LGR6: variants seen among roughly 807,000 people sequenced by gnomAD.
LGR6 encodes leucine rich repeat containing G protein-coupled receptor 6, also known as leucine-rich repeat-containing G protein-coupled receptor 6.
Under a neutral mutation model 69.4 loss-of-function variants are expected in LGR6, and 45 were observed. The observed-to-expected ratio is 0.65, with a 90% CI of 0.51 to 0.83. LGR6 has a LOEUF of 0.83. Among genes scored for constraint, LGR6 ranks in the 40% least tolerant of loss-of-function variants. The pLI is 0.00. For missense variants in LGR6, 1,108 were observed against 1,246.7 expected, an observed-to-expected ratio of 0.89 and a Z score of 1.68; for synonymous variants, 538 against 555.0, an observed-to-expected ratio of 0.97 and a Z score of 0.43.
At chr1:202,245,610 G>A (rs1475312078) in intron 4 of LGR6, among the ~76,000 whole-genome samples, 3 of 152,226 alleles carry the variant, frequency 2.0e-5, no homozygotes, top group African/African-American at 4.8e-5. Flanking sequence ...TGCCCTCTGC[G>A]CCCCACAGAG....
intron 6 of LGR6, among the ~76,000 whole-genome samples, chr1:202,289,977 G>A (rs1666675163): frequency 1.3e-5 from 2 of 152,180 alleles, no homozygotes; most frequent in African/African-American, 4.8e-5. Context: ...AAATGTAAGT[G>A]GAAACCCAAT....
At chr1:202,292,030 T>A (rs1301368612) in intron 6 of LGR6, among the ~76,000 whole-genome samples, 1 of 152,050 alleles carries the variant, frequency 6.6e-6, no homozygotes, top group African/African-American at 2.4e-5. Context: ...GCTGAGGATG[T>A]GGGGAAAGGG....
rs1364859299 is a variant in LGR6 at position 202,300,993 on chromosome 1, G to C, written c.857+73G>C. 2.1e-6 allele frequency: 3 copies of C among 1,409,176 alleles called. No homozygotes were observed. In the African/African-American group the frequency reaches 4.2e-5, roughly 20 times the overall value. The allele number at this position is 1,409,176 out of a possible 1,614,324, so 87.3% of individuals were successfully genotyped here. ...GAGGAGGACAGAGGATGGGAAGGCA[G>C]GAGGGACTTCCCTAGGAAGCACCAG... is the stretch of plus-strand genomic sequence containing the variant. On this transcript the variant is annotated intron_variant, in intron 8 of 17. Transcript: ENST00000367278.
intron 1 of LGR6, chr1:202,194,445 G>T (rs1309096871): frequency 1.7e-6 from 1 of 603,238 alleles, no homozygotes; most frequent in Non-Finnish European, 3.0e-6. Context: ...CGTGCTTGTG[G>T]GCTGACTATG....
At chr1:202,208,818 G>A (rs1041659330) in intron 1 of LGR6, among the ~76,000 whole-genome samples, 1 of 152,172 alleles carries the variant, frequency 6.6e-6, no homozygotes, top group Admixed American at 6.5e-5. Flanking sequence ...GGCACCTGCT[G>A]GGGGTGGGGC....
At chr1:202,308,345 C>T (rs549461101) in intron 14 of LGR6, among the ~76,000 whole-genome samples, 1 of 152,318 alleles carries the variant, frequency 6.6e-6, no homozygotes, top group African/African-American at 2.4e-5. Flanking sequence ...CACTGAAGCT[C>T]AGGCAGATTT....
intron 4 of LGR6, among the ~76,000 whole-genome samples, chr1:202,266,389 A>T (rs1664658291): frequency 1.3e-5 from 2 of 152,102 alleles, no homozygotes; most frequent in African/African-American, 4.8e-5. Flanking sequence ...CTGATCCTGG[A>T]GAGAGGAAAG....
chr1:202,260,286 G>C (rs553891769), intron 4 of LGR6, among the ~76,000 whole-genome samples: 1 of 151,898 alleles, frequency 6.6e-6, no homozygotes. Flanking sequence ...TGATCCGCCC[G>C]TCTCAGCCTA....
intron 4 of LGR6, among the ~76,000 whole-genome samples, chr1:202,270,216 G>GTTGTT (rs1175186077): frequency 2.7e-4 from 41 of 151,832 alleles, no homozygotes; most frequent in Admixed American, 2.0e-3. Flanking sequence ...GAAGCTCTGA[G>GTTGTT]TTGTTTTGTT....
chr1:202,290,193 A>C (rs1426590425), intron 6 of LGR6, among the ~76,000 whole-genome samples: 1 of 152,250 alleles, frequency 6.6e-6, no homozygotes, highest in Non-Finnish European at 1.5e-5. Context: ...TGCAATGGGT[A>C]TGTCCCATTT....
At chr1:202,264,027 A>G (rs968124334) in intron 4 of LGR6, among the ~76,000 whole-genome samples, 1 of 152,012 alleles carries the variant, frequency 6.6e-6, no homozygotes, top group Middle Eastern at 3.2e-3. Flanking sequence ...GGATGGACGG[A>G]TGGATGAATG....
At chr1:202,214,152 G>A (rs1659592609) in intron 1 of LGR6, 7 of 1,504,982 alleles carry the variant, frequency 4.7e-6, no homozygotes, top group Admixed American at 2.5e-5. Flanking sequence ...CCCAGGGGCC[G>A]GAATGCGCTT....
At chr1:202,231,052 T>C (rs1303915046) in intron 3 of LGR6, among the ~76,000 whole-genome samples, 1 of 152,158 alleles carries the variant, frequency 6.6e-6, no homozygotes, top group African/African-American at 2.4e-5. Flanking sequence ...ACTAAGGCTC[T>C]TAGAAGGCAG....
intron 1 of LGR6, among the ~76,000 whole-genome samples, chr1:202,209,193 G>A (rs1279851819): frequency 6.6e-6 from 1 of 152,116 alleles, no homozygotes; most frequent in African/African-American, 2.4e-5. Context: ...CCCCTTCTTT[G>A]TTAGCCCCAT....
chr1:202,200,417 G>T (rs182543545), intron 1 of LGR6, among the ~76,000 whole-genome samples: 1 of 152,304 alleles, frequency 6.6e-6, no homozygotes, highest in East Asian at 1.9e-4. Flanking sequence ...GCCCTGAGGG[G>T]CCGTGAGGAT....
chr1:202,318,197 T>C lies in LGR6; in HGVS notation c.1894T>C (p.Tyr632His), dbSNP rs751622173. ...DALTFGQFSE[Y>H]GARWETGLGC... is the part of the protein sequence containing the mutation. ...CCTGACCTTTGGTCAGTTCTCTGAG[T>C]ACGGAGCCCGCTGGGAGACGGGGCT... The change falls in exon 18 of 18, where the codon TAC (tyrosine) becomes CAC (histidine). Residue 632 changes from tyrosine (Y) to histidine (H), a missense_variant. Physicochemically the swap from Tyr to His is moderately conservative, Grantham distance 83. Transcript: ENST00000367278. The C allele has an allele frequency of 1.2e-6, 2 of 1,613,058 alleles. No individual in the cohort carries two copies. The highest frequency in any genetic ancestry group is 2.7e-5 in the African/African-American group (2 of 74,928).
At chr1:202,271,665 G>A (rs988688364) in intron 4 of LGR6, among the ~76,000 whole-genome samples, 2 of 152,116 alleles carry the variant, frequency 1.3e-5, no homozygotes, top group African/African-American at 2.4e-5. Context: ...AAAATTAGCC[G>A]GGCTTGGTGG....
At chr1:202,205,005 T>C (rs1659074657) in intron 1 of LGR6, among the ~76,000 whole-genome samples, 1 of 7,694 alleles carries the variant, frequency 1.3e-4, no homozygotes, top group African/African-American at 4.1e-4. Flanking sequence ...CACACACACC[T>C]CCAAACACAC....
At chr1:202,287,569 A>T (rs1329094400) in intron 6 of LGR6, among the ~76,000 whole-genome samples, 2 of 152,150 alleles carry the variant, frequency 1.3e-5, no homozygotes, top group Non-Finnish European at 2.9e-5. Flanking sequence ...TGGATATCTA[A>T]CAAATATCCA....
Sources: allele counts gnomAD v4.1 joint callset (sites outside exome capture counted in the v4.1 genomes callset), GRCh38; gene constraint gnomAD v4.1.1; transcripts MANE v1.5; gene names NCBI Gene and HGNC (gene_info 2026-07-23, HGNC 2026-07-21).